GPC5: variants seen among roughly 807,000 people sequenced by gnomAD.
GPC5 encodes glypican-5.
GPC5 carries 47 observed loss-of-function variants against 53.9 expected under a neutral mutation model. That is an observed-to-expected ratio of 0.87 (90% CI 0.69 to 1.11). The LOEUF (loss-of-function observed/expected upper bound fraction) is 1.11, where lower values mean the gene tolerates loss of function less well. Ranked by LOEUF, GPC5 falls within the 50% of genes most tolerant of loss-of-function variation. The pLI, the probability that GPC5 is intolerant of heterozygous loss-of-function variation, is 0.00. For missense variants in GPC5, 748 were observed against 713.1 expected (o/e 1.05, Z -0.56); for synonymous variants, 286 against 263.3 (o/e 1.09, Z -0.84).
In GPC5 at chr13:91,736,949, G is replaced by GATTATT. The variant is rs930899459; in HGVS notation, c.1154+8303_1154+8308dup. 2.7e-5 allele frequency among the ~76,000 whole-genome samples: 4 copies of GATTATT among 148,662 alleles called. 1 individual carries two copies. The highest frequency in any genetic ancestry group is 3.9e-4 in the East Asian group (2 of 5,174). On this transcript the variant is annotated intron_variant, in intron 4 of 7. Coordinates refer to ENST00000377067, the MANE Select transcript of GPC5 (RefSeq NM_004466.6). ...GATTGGTTAACATCAGGTTACTTCA[G>GATTATT]ATTATTATTATTATTATTATTATTT...
chr13:91,697,843 G>C (rs1312295741), intron 3 of GPC5, among the ~76,000 whole-genome samples: 1 of 151,084 alleles, frequency 6.6e-6, no homozygotes, highest in Non-Finnish European at 1.5e-5. Flanking sequence ...CAGAACAAAT[G>C]TTACCAGGAA....
At chr13:92,073,243 A>C (rs2041227261) in intron 6 of GPC5, among the ~76,000 whole-genome samples, 1 of 152,210 alleles carries the variant, frequency 6.6e-6, no homozygotes, top group South Asian at 2.1e-4. Flanking sequence ...ATTGTTCAAA[A>C]TCAGTTTGCT....
chr13:92,437,893 A>C (rs1877378995), intron 7 of GPC5, among the ~76,000 whole-genome samples: 1 of 152,120 alleles, frequency 6.6e-6, no homozygotes, highest in Non-Finnish European at 1.5e-5. Context: ...CTCTACAATA[A>C]GCTAGAGAAA....
chr13:92,670,195 T>G lies in GPC5; in HGVS notation c.1562-196087T>G, dbSNP rs138270364. Among the ~76,000 whole-genome samples the G allele has an allele frequency of 2.0e-3, 298 of 152,110 alleles. 1 individual carries two copies. The highest frequency in any genetic ancestry group is 6.9e-3 in the African/African-American group (285 of 41,506). On this transcript the variant is annotated intron_variant, in intron 7 of 7. Coordinates refer to ENST00000377067, the MANE Select transcript of GPC5 (RefSeq NM_004466.6). ...GAATGTAAATGGCAGCATACCAATG[T>G]GTAAAGTTGTCAGAATCAAGGAAAT...
At chr13:91,945,623 C>T (rs2039967095) in intron 6 of GPC5, among the ~76,000 whole-genome samples, 1 of 152,270 alleles carries the variant, frequency 6.6e-6, no homozygotes, top group Admixed American at 6.5e-5. Flanking sequence ...GGACTTTCCT[C>T]TAGGACGAAG....
At chr13:92,663,579 ATATATATATATATATCTAC>A (rs1354287617) in intron 7 of GPC5, among the ~76,000 whole-genome samples, 43 of 82,220 alleles carry the variant, frequency 5.2e-4, no homozygotes, top group Middle Eastern at 7.8e-3. Flanking sequence ...TCTACTAAAT[ATATATATATATATATCTAC>A]TATATATATA....
Position 91,448,880 on chromosome 13 carries a change from A to G in GPC5, c.283A>G (p.Thr95Ala). 2 of 1,613,528 alleles carry G rather than the reference A, an allele frequency of 1.2e-6. No homozygotes were observed. The highest frequency in any genetic ancestry group is 1.7e-5 in the Admixed American group (1 of 59,908). The change falls in exon 2 of 8, where the codon ACA becomes GCA. Residue 95 changes from threonine (T) to alanine (A), a missense_variant. Physicochemically the swap from Thr to Ala is moderately conservative, Grantham distance 58. Transcript: ENST00000377067. ...MQQFLQTSSS[T>A]LKFLISRNAA... ...GCAGTTTCTTCAAACGTCCAGCTCT[A>G]CATTAAAGTTTCTAATATCTCGAAA...
chr13:92,077,740 C>A (rs1231463903), intron 6 of GPC5, among the ~76,000 whole-genome samples: 1 of 151,970 alleles, frequency 6.6e-6, no homozygotes, highest in African/African-American at 2.4e-5. Flanking sequence ...GATAAGAGAG[C>A]AAAGGAAGAA....
intron 6 of GPC5, among the ~76,000 whole-genome samples, chr13:91,987,724 T>G (rs2040421246): frequency 1.4e-5 from 2 of 147,418 alleles, no homozygotes; most frequent in African/African-American, 4.9e-5. Context: ...GATTTCACAA[T>G]AGTATATAAA....
intron 6 of GPC5, among the ~76,000 whole-genome samples, chr13:92,026,831 C>T (rs1243959751): frequency 1.3e-5 from 2 of 152,102 alleles, no homozygotes; most frequent in Non-Finnish European, 2.9e-5. Flanking sequence ...GTGTCCATAA[C>T]AAAGATTCCT....
chr13:92,603,717 T>C (rs12870647), intron 7 of GPC5, among the ~76,000 whole-genome samples: 2,378 of 152,284 alleles, frequency 0.016, 35 homozygotes, highest in Non-Finnish European at 0.025. Flanking sequence ...TTGTGTTACA[T>C]TTGAAGTGAG....
intron 7 of GPC5, among the ~76,000 whole-genome samples, chr13:92,506,598 C>T (rs1005237905): frequency 4.6e-5 from 7 of 152,126 alleles, no homozygotes; most frequent in African/African-American, 1.7e-4. Flanking sequence ...GCACCTCTTA[C>T]TTCGTGATTC....
chr13:91,888,348 C>A (rs561900252), intron 5 of GPC5, among the ~76,000 whole-genome samples: 1 of 152,172 alleles, frequency 6.6e-6, no homozygotes. Flanking sequence ...CAATTCAAGA[C>A]GAAATTTGGG....
intron 7 of GPC5, among the ~76,000 whole-genome samples, chr13:92,157,172 G>C (rs982894629): frequency 6.6e-6 from 1 of 152,056 alleles, no homozygotes; most frequent in African/African-American, 2.4e-5. Context: ...TAATTTTGCT[G>C]AATTTTTAAA....
chr13:91,934,009 T>C (rs1466276043), intron 6 of GPC5, among the ~76,000 whole-genome samples: 1 of 151,924 alleles, frequency 6.6e-6, no homozygotes, highest in Non-Finnish European at 1.5e-5. Flanking sequence ...TCCTCTCAAA[T>C]ACCTGAGCTA....
At chr13:92,505,494 T>C (rs1348108290) in intron 7 of GPC5, among the ~76,000 whole-genome samples, 2 of 152,072 alleles carry the variant, frequency 1.3e-5, no homozygotes, top group Non-Finnish European at 2.9e-5. Context: ...GCAACTGGGA[T>C]TCTCATACAT....
At chr13:92,560,383 C>G (rs888667676) in intron 7 of GPC5, among the ~76,000 whole-genome samples, 15 of 152,016 alleles carry the variant, frequency 9.9e-5, no homozygotes, top group African/African-American at 3.4e-4. Flanking sequence ...AGTACTGGAA[C>G]TCAATATGGC....
intron 7 of GPC5, among the ~76,000 whole-genome samples, chr13:92,845,492 T>C (rs1878583233): frequency 6.6e-6 from 1 of 152,180 alleles, no homozygotes; most frequent in Non-Finnish European, 1.5e-5. Flanking sequence ...GGTTTCTCTC[T>C]TGCTCAAGAG....
At chr13:91,922,346 A>C (rs1398587430) in intron 6 of GPC5, among the ~76,000 whole-genome samples, 1 of 152,158 alleles carries the variant, frequency 6.6e-6, no homozygotes, top group Non-Finnish European at 1.5e-5. Flanking sequence ...CATGATTTCT[A>C]TGGACCTATA....
Sources: gnomAD v4.1 joint callset for allele counts (sites outside exome capture counted in the v4.1 genomes callset) on GRCh38, gnomAD v4.1.1 for gene constraint, MANE v1.5 for transcripts, NCBI Gene and HGNC (gene_info 2026-07-23, HGNC 2026-07-21) for gene names.